Variants in WDR47 observed in about 807,000 individuals in gnomAD.
The protein encoded by WDR47 is WD repeat domain 47, also known as WD repeat-containing protein 47.
WDR47 carries 32 observed loss-of-function variants against 97.2 expected under a neutral mutation model. The ratio of observed to expected loss-of-function variants is 0.33; its 90% confidence interval spans 0.25 to 0.44. WDR47 has a LOEUF of 0.44. WDR47 is among the 20% of genes least tolerant of loss of function. The pLI is 1.00. For missense variants in WDR47, 782 were observed against 1,102.3 expected, an observed-to-expected ratio of 0.71 and a Z score of 4.11; for synonymous variants, 375 against 373.5, an observed-to-expected ratio of 1.00 and a Z score of -0.05.
At chr1:108,973,738 G>A (rs986340068) in intron 14 of WDR47, among the ~76,000 whole-genome samples, 1 of 151,874 alleles carries the variant, frequency 6.6e-6, no homozygotes, top group Non-Finnish European at 1.5e-5. Context: ...TTTAAAATGT[G>A]CCATCCATGG....
In WDR47 at chr1:109,012,581, A is replaced by AAC. The variant is rs1553233825; in HGVS notation, c.328-864_328-863insGT. On this transcript the variant is annotated intron_variant, in intron 4 of 14. Coordinates refer to ENST00000369962, the MANE Select transcript of WDR47 (RefSeq NM_001142551.2). ...GTGTGAGACTCCATCTCAAAAAAAA[A>AAC]AAAAAAAAACAGAAAGGGAATGCCT... is the stretch of plus-strand genomic sequence containing the variant. 2.6e-5 allele frequency among the ~76,000 whole-genome samples: 4 copies of AAC among 151,068 alleles called. 1 individual carries two copies. Among genetic ancestry groups the AAC allele is most frequent in the Non-Finnish European group, 5.9e-5 (4 of 67,782 alleles).
chr1:108,981,702 T>TC, intron 13 of WDR47, 31 bp downstream of exon 13: 1 of 1,577,720 alleles, frequency 6.3e-7, no homozygotes, highest in Non-Finnish European at 8.6e-7. Context: ...AAAGTTTTTT[T>TC]CCCATATATA....
rs771613824 is a variant in WDR47 at position 109,013,913 on chromosome 1, A to G, written c.255T>C (p.Ile85=). The change falls in exon 4 of 15, where the codon ATT becomes ATC. Residue 85 remains isoleucine (I), a synonymous_variant. Transcript: ENST00000369962. ...EKFDKKRFRY[I]ILKQKFLEAL... ...CTTCTAAAAACTTCTGCTTCAGGAT[A>G]ATATAACGAAACCTGTGGGAAAAAA... The G allele has an allele frequency of 9.1e-5, 146 of 1,610,496 alleles. No homozygotes were observed. The highest frequency in any genetic ancestry group is 1.2e-4 in the Non-Finnish European group (140 of 1,179,280).
At chr1:108,980,718 G>A (rs1658273293) in intron 13 of WDR47, among the ~76,000 whole-genome samples, 1 of 150,942 alleles carries the variant, frequency 6.6e-6, no homozygotes, top group Non-Finnish European at 1.5e-5. Context: ...GACAGAGGGA[G>A]ATTCTGTCTC....
chr1:109,015,525 G>A (rs1661351910), intron 3 of WDR47, among the ~76,000 whole-genome samples: 1 of 151,466 alleles, frequency 6.6e-6, no homozygotes, highest in Non-Finnish European at 1.5e-5. Flanking sequence ...ACAGGATTTC[G>A]CCATGTTGGC....
chr1:108,988,861 G>A (rs775351504), intron 9 of WDR47, among the ~76,000 whole-genome samples: 29 of 151,804 alleles, frequency 1.9e-4, no homozygotes, highest in Non-Finnish European at 4.0e-4. Flanking sequence ...AAGTTCAAGC[G>A]ATTCTCCTGC....
chr1:109,015,387 G>A (rs1319237086), intron 3 of WDR47, among the ~76,000 whole-genome samples: 2 of 152,082 alleles, frequency 1.3e-5, no homozygotes, highest in African/African-American at 4.8e-5. Context: ...GCAGTGGCAC[G>A]ATCTCGGCTC....
At position 108,990,504 on chromosome 1, in the gene WDR47, T is replaced by C. The variant is rs1659241878; in HGVS notation, c.1767+750A>G. Among the ~76,000 whole-genome samples the C allele has an allele frequency of 3.3e-5, 5 of 152,126 alleles. No individual in the cohort carries two copies. The South Asian group carries it at 1.0e-3, about 31-fold the overall frequency. On this transcript the variant is annotated intron_variant, in intron 9 of 14. Coordinates refer to ENST00000369962, the MANE Select transcript of WDR47 (RefSeq NM_001142551.2). ...GATTACAGGTGTGAGCCACCATGCCTGGCCTAATATTTTTTTTTAAATCAA... is the reference window on the plus strand; with the variant it reads ...GATTACAGGTGTGAGCCACCATGCCCGGCCTAATATTTTTTTTTAAATCAA...
intron 5 of WDR47, among the ~76,000 whole-genome samples, chr1:109,009,797 T>C (rs924242399): frequency 2.6e-5 from 4 of 151,852 alleles, no homozygotes; most frequent in Non-Finnish European, 5.9e-5. Context: ...CAGGAGTTCA[T>C]GACCAGCCTG....
chr1:108,970,847 G>A lies in WDR47; in HGVS notation c.*583C>T, dbSNP rs1182033732. On this transcript the variant is annotated 3_prime_UTR_variant, in exon 15 of 15. Transcript: ENST00000369962. ...CCTATACCATGTAGTAAACTAAGAA[G>A]CAGTTTTTCATTCATCTTTAAACTC... The A allele has an allele frequency of 6.6e-6, 1 of 152,302 alleles. No individual in the cohort carries two copies. Among genetic ancestry groups the A allele is most frequent in the African/African-American group, 2.4e-5 (1 of 41,440 alleles). The allele number at this position is 152,302 out of a possible 1,614,324, so 9.4% of individuals were successfully genotyped here.
chr1:109,020,515 G>A (rs1207394201), intron 2 of WDR47, among the ~76,000 whole-genome samples: 2 of 152,036 alleles, frequency 1.3e-5, no homozygotes, highest in Non-Finnish European at 2.9e-5. Context: ...ACCCACCTTG[G>A]CCTCCCAAAG....
At chr1:109,036,685 A>C (rs527242106) in intron 1 of WDR47, among the ~76,000 whole-genome samples, 1 of 151,984 alleles carries the variant, frequency 6.6e-6, no homozygotes, top group African/African-American at 2.4e-5. Flanking sequence ...CAATACAAAA[A>C]ATTAGCTGGG....
chr1:108,976,093 T>C (rs937486038), intron 13 of WDR47, among the ~76,000 whole-genome samples: 3 of 152,160 alleles, frequency 2.0e-5, no homozygotes, highest in African/African-American at 4.8e-5. Flanking sequence ...TAAAGCATCA[T>C]TGTAGGTTTC....
intron 8 of WDR47, chr1:108,992,304 C>T (rs576301987): frequency 3.6e-4 from 287 of 800,816 alleles, no homozygotes; most frequent in Non-Finnish European, 5.1e-4. Context: ...TCACTTGACC[C>T]GGAGAACCCC....
chr1:109,004,999 C>G (rs1434464971), intron 5 of WDR47, among the ~76,000 whole-genome samples: 1 of 152,036 alleles, frequency 6.6e-6, no homozygotes, highest in Non-Finnish European at 1.5e-5. Context: ...ACCATGTTAG[C>G]CAGGCTGGTC....
At chr1:108,972,720 T>A (rs1216665682) in intron 14 of WDR47, among the ~76,000 whole-genome samples, 1 of 152,146 alleles carries the variant, frequency 6.6e-6, no homozygotes, top group Non-Finnish European at 1.5e-5. Context: ...GGCAGGCAGA[T>A]CACGAGGTCA....
intron 2 of WDR47, among the ~76,000 whole-genome samples, chr1:109,018,029 G>GT (rs1661546907): frequency 2.0e-5 from 3 of 151,840 alleles, no homozygotes; most frequent in Admixed American, 6.6e-5. Context: ...GATTACAAGC[G>GT]TGAGTCACCT....
rs1427396023 is a variant in WDR47 at position 109,031,692 on chromosome 1, T to C, written c.-9-8171A>G. Among the ~76,000 whole-genome samples, 5 of 139,584 alleles carry C rather than the reference T, an allele frequency of 3.6e-5. 1 individual carries two copies. Among genetic ancestry groups the C allele is most frequent in the Non-Finnish European group, 6.4e-5 (4 of 62,772 alleles). The allele number at this position is 139,584 out of a possible 152,430, so 91.6% of individuals were successfully genotyped here. A position where few individuals can be genotyped will look rare whatever the true frequency, so the allele number is the denominator to read the frequency against. On this transcript the variant is annotated intron_variant, in intron 1 of 14. Coordinates refer to ENST00000369962, the MANE Select transcript of WDR47 (RefSeq NM_001142551.2). ...CTACTAGAAGGAATTAGTAAACTAA[T>C]GCATATAATGAAGTAATAATATTTC...
chr1:108,985,976 C>CAA (rs35165386), intron 10 of WDR47, among the ~76,000 whole-genome samples: 132 of 96,144 alleles, frequency 1.4e-3, no homozygotes, highest in Middle Eastern at 6.0e-3. Context: ...ATAGAGATAG[C>CAA]AAAAAAAAAA....
Sources: gnomAD v4.1 joint callset for allele counts (sites outside exome capture counted in the v4.1 genomes callset) on GRCh38, gnomAD v4.1.1 for gene constraint, MANE v1.5 for transcripts, NCBI Gene and HGNC (gene_info 2026-07-23, HGNC 2026-07-21) for gene names.